MPRIP: variants seen among roughly 807,000 people sequenced by gnomAD.
MPRIP encodes myosin phosphatase Rho interacting protein.
In MPRIP, 59 loss-of-function variants were observed where a neutral mutation model predicts 234.9. The observed-to-expected ratio is 0.25, with a 90% CI of 0.20 to 0.31. The LOEUF is 0.31. MPRIP is among the 10% of genes least tolerant of loss of function. MPRIP has a pLI of 1.00. For missense variants in MPRIP, 2,436 were observed against 3,071.0 expected, an observed-to-expected ratio of 0.79 and a Z score of 4.89; for synonymous variants, 1,144 against 1,263.9, an observed-to-expected ratio of 0.91 and a Z score of 2.01.
At chr17:17,086,333 G>C (rs2089590492) in intron 3 of MPRIP, among the ~76,000 whole-genome samples, 1 of 152,208 alleles carries the variant, frequency 6.6e-6, no homozygotes, top group African/African-American at 2.4e-5. Context: ...CACCCGACTT[G>C]ACTTTTCAGG....
chr17:17,151,504 A>G (rs538007112), intron 12 of MPRIP, among the ~76,000 whole-genome samples: 2 of 152,298 alleles, frequency 1.3e-5, no homozygotes, highest in Admixed American at 1.3e-4. Context: ...GCTGTGGTTG[A>G]TGGAGTTGTT....
chr17:17,105,282 T>G (rs1176234516), intron 3 of MPRIP, among the ~76,000 whole-genome samples: 1 of 152,180 alleles, frequency 6.6e-6, no homozygotes, highest in African/African-American at 2.4e-5. Flanking sequence ...ACTGCAGGCC[T>G]CAGCCAGCAC....
At position 17,064,745 on chromosome 17, in the gene MPRIP, C is replaced by T. The variant is rs55967463; in HGVS notation, c.124-10965C>T. Reference sequence around the variant, plus strand: ...AGTTTGCTCCTTTTTATTGCTGACTCGCATTCCATGGTAAGAGGGGACACC... The same window carrying T: ...AGTTTGCTCCTTTTTATTGCTGACTTGCATTCCATGGTAAGAGGGGACACC... On this transcript the variant is annotated intron_variant, in intron 1 of 23. Transcript: ENST00000651222. Among the ~76,000 whole-genome samples, 775 of 152,276 alleles carry T rather than the reference C, an allele frequency of 5.1e-3. 5 individuals are homozygous for T. Among genetic ancestry groups the T allele is most frequent in the Non-Finnish European group, 8.7e-3 (594 of 68,020 alleles).
chr17:17,177,180 A>G, intron 21 of MPRIP, 70 bp from the exon 22 acceptor site: 3 of 1,476,764 alleles, frequency 2.0e-6, no homozygotes, highest in Non-Finnish European at 2.8e-6. Flanking sequence ...GTCCCCAGGA[A>G]GACAGGCCAT....
chr17:17,148,233 G>A (rs1333373727), intron 11 of MPRIP, among the ~76,000 whole-genome samples: 2 of 152,230 alleles, frequency 1.3e-5, no homozygotes, highest in African/African-American at 4.8e-5. Context: ...GAAGTAAGGA[G>A]CCTATGTAAG....
chr17:17,189,005 G>C lies in MPRIP; in HGVS notation c.*4111G>C, dbSNP rs965204322. The stretch of plus-strand genomic sequence containing the variant: ...GCTGGCCACATACCCCTTTCTCCCA[G>C]CTACTCATTCACTGACTTGGGTAAG... On this transcript the variant is annotated 3_prime_UTR_variant, in exon 24 of 24. Transcript: ENST00000651222. 6.6e-6 allele frequency: 1 copy of C among 152,156 alleles called. No homozygotes were observed. The highest frequency in any genetic ancestry group is 2.4e-5 in the African/African-American group (1 of 41,406). 9.4% of individuals were successfully genotyped at this position (152,156 alleles called of 1,614,324 possible).
At chr17:17,179,244 C>G (rs1236086583) in intron 22 of MPRIP, among the ~76,000 whole-genome samples, 2 of 151,776 alleles carry the variant, frequency 1.3e-5, no homozygotes, top group Non-Finnish European at 2.9e-5. Context: ...GTCAGGAGTT[C>G]GAGACCAGTC....
At chr17:17,090,773 G>T (rs2089696551) in intron 3 of MPRIP, among the ~76,000 whole-genome samples, 2 of 152,172 alleles carry the variant, frequency 1.3e-5, no homozygotes, top group South Asian at 4.1e-4. Context: ...GGTTTTTCTG[G>T]GCGATCTGGG....
Position 17,167,411 on chromosome 17 carries a change from C to A in MPRIP, c.5820C>A (p.Ser1940Arg). Residue 1940 changes from serine to arginine, a missense_variant, in exon 16 of 24, where the codon AGC (serine) becomes AGA (arginine). By Grantham distance (110) the Ser-to-Arg change is moderately radical (BLOSUM62 -1). This residue lies in a region of MPRIP where 1,998 missense variants were observed against 2,520.3 expected (regional missense o/e 0.79). Coordinates refer to ENST00000651222, the MANE Select transcript of MPRIP (RefSeq NM_001364716.4). This position sits in a 1 kb window ranked among gnomAD's most constrained non-coding sequence, Gnocchi z 5.9. ...LEDAESKHSM[S>R]MFTLRGRYEE... ...ATGCAGAGAGCAAGCACAGCATGAG[C>A]ATGTTCACCCTGCGGGGCAGGTATG... 1 of 1,304,252 alleles carries A rather than the reference C, an allele frequency of 7.7e-7. No individual in the cohort carries two copies. Among genetic ancestry groups the A allele is most frequent in the Non-Finnish European group, 1.0e-6 (1 of 988,966 alleles). The allele number at this position is 1,304,252 out of a possible 1,614,324, so 80.8% of individuals were successfully genotyped here.
chr17:17,096,316 T>G (rs1248265749), intron 3 of MPRIP, among the ~76,000 whole-genome samples: 2 of 127,940 alleles, frequency 1.6e-5, no homozygotes, highest in Non-Finnish European at 3.2e-5. Flanking sequence ...TGTGTGTGTG[T>G]GTGTGTGTGT....
intron 3 of MPRIP, among the ~76,000 whole-genome samples, chr17:17,083,197 G>GA (rs1337339128): frequency 1.3e-5 from 2 of 152,234 alleles, no homozygotes; most frequent in Non-Finnish European, 2.9e-5. Context: ...ACATAGTAGA[G>GA]AAAACACTTC....
At chr17:17,071,386 T>C (rs1424762169) in intron 1 of MPRIP, among the ~76,000 whole-genome samples, 1 of 152,192 alleles carries the variant, frequency 6.6e-6, no homozygotes, top group Non-Finnish European at 1.5e-5. Flanking sequence ...CACTCTGGGA[T>C]AGTGAGACAA....
At chr17:17,172,650 C>T in intron 17 of MPRIP, 48 bp from the exon 18 acceptor site, 1 of 1,491,736 alleles carries the variant, frequency 6.7e-7, no homozygotes, top group Non-Finnish European at 9.3e-7. Flanking sequence ...CCCCTGTCAG[C>T]AGGAAGGGCG....
At chr17:17,072,437 C>T (rs371472184) in intron 1 of MPRIP, among the ~76,000 whole-genome samples, 6 of 151,968 alleles carry the variant, frequency 3.9e-5, no homozygotes, top group African/African-American at 1.4e-4. Context: ...CTTCCTGGAG[C>T]GAAGGTTCTG....
intron 1 of MPRIP, among the ~76,000 whole-genome samples, chr17:17,072,982 A>G (rs1485638876): frequency 2.0e-5 from 3 of 152,188 alleles, no homozygotes; most frequent in Non-Finnish European, 2.9e-5. Context: ...AAATGATACA[A>G]TTCTATGATT....
chr17:17,179,917 G>A (rs186332574), intron 22 of MPRIP, 86 bp from the exon 23 acceptor site: 81 of 1,102,514 alleles, frequency 7.3e-5, no homozygotes, highest in Non-Finnish European at 1.0e-4. Flanking sequence ...TAGGAAGCTT[G>A]GGAAATGTTT....
chr17:17,106,231 CTGAGTGACTGAA>C (rs943573924), intron 3 of MPRIP, among the ~76,000 whole-genome samples: 68 of 152,370 alleles, frequency 4.5e-4, no homozygotes, highest in Non-Finnish European at 7.3e-4. Context: ...CCGTTTTCTA[CTGAGTGACTGAA>C]TGGGTGAAAG....
intron 14 of MPRIP, among the ~76,000 whole-genome samples, chr17:17,160,326 A>G (rs1007230670): frequency 2.0e-5 from 3 of 152,198 alleles, no homozygotes; most frequent in African/African-American, 4.8e-5. Flanking sequence ...AGATCGCACC[A>G]TCGTACTCCA....
rs2045816192 is a variant in MPRIP at position 17,159,504 on chromosome 17, G to A, written c.2400+502G>A. Among the ~76,000 whole-genome samples, 3 of 152,230 alleles carry A rather than the reference G, an allele frequency of 2.0e-5. No individual in the cohort carries two copies. In the South Asian group the frequency reaches 6.2e-4, roughly 32 times the overall value. On this transcript the variant is annotated intron_variant, in intron 14 of 23. Transcript: ENST00000651222. ...GGGTCCTAGGTCATGAGGATATGAA[G>A]CAGAAGACAGTGGTGAGGCAGGGTA... is the stretch of plus-strand genomic sequence containing the variant.
Sources: allele counts gnomAD v4.1 joint callset (sites outside exome capture counted in the v4.1 genomes callset), GRCh38; gene constraint gnomAD v4.1.1; regional missense constraint gnomAD v4.1.1; non-coding constraint Gnocchi (gnomAD v3.1); transcripts MANE v1.5; gene names NCBI Gene and HGNC (gene_info 2026-07-23, HGNC 2026-07-21).